The following MYH15 variants were observed in gnomAD, a reference collection of about 807,000 sequenced individuals.
The protein encoded by MYH15 is myosin-15.
In MYH15, 227 loss-of-function variants were observed where a neutral mutation model predicts 240.5. The observed-to-expected ratio is 0.94, with a 90% CI of 0.85 to 1.05. The LOEUF (loss-of-function observed/expected upper bound fraction) is 1.05, where lower values mean the gene tolerates loss of function less well. MYH15 is among the 50% of genes least tolerant of loss of function. The probability of loss-of-function intolerance (pLI) is 0.00; values close to 1 mark genes in which losing one functional copy is unlikely to be tolerated. For synonymous variants in MYH15, 785 were observed against 796.7 expected (o/e 0.99, Z 0.25); for missense variants, 2,217 against 2,247.5 (o/e 0.99, Z 0.27).
chr3:108,390,021 C>T (rs2082412416), intron 37 of MYH15, among the ~76,000 whole-genome samples: 1 of 152,152 alleles, frequency 6.6e-6, no homozygotes, highest in Non-Finnish European at 1.5e-5. Flanking sequence ...TGTGAGACTT[C>T]CTTGTGGATA....
intron 12 of MYH15, among the ~76,000 whole-genome samples, chr3:108,472,265 C>T (rs2083184281): frequency 6.6e-6 from 1 of 152,208 alleles, no homozygotes; most frequent in Admixed American, 6.5e-5. Flanking sequence ...TTCTGACATA[C>T]TCCAAGGAAG....
intron 1 of MYH15, among the ~76,000 whole-genome samples, chr3:108,525,265 A>C (rs971379932): frequency 1.3e-5 from 2 of 152,102 alleles, no homozygotes; most frequent in Admixed American, 1.3e-4. Flanking sequence ...TCTAAATAAA[A>C]CAGATAGATA....
At chr3:108,535,803 C>T in the MYH15 span, among the ~76,000 whole-genome samples, 1 of 152,018 alleles carries the variant, frequency 6.6e-6, no homozygotes, top group East Asian at 1.9e-4. Context: ...AGGCCACCCC[C>T]CAAAAGACAA....
intron 31 of MYH15, 35 bp from the exon 32 acceptor site, chr3:108,408,439 A>C: frequency 6.3e-7 from 1 of 1,585,980 alleles, no homozygotes; most frequent in Non-Finnish European, 8.5e-7. Context: ...AAGTTAGTGA[A>C]TGGGCTCAGT....
chr3:108,536,240 A>T, the MYH15 span, among the ~76,000 whole-genome samples: 2,004 of 152,298 alleles, frequency 0.013, 44 homozygotes, highest in African/African-American at 0.046. Context: ...ACTCCATCCT[A>T]GGTGACAGAG....
In MYH15 at chr3:108,441,663, A is replaced by G. The variant is rs965185526; in HGVS notation, c.2656-403T>C. Among the ~76,000 whole-genome samples the G allele has an allele frequency of 3.9e-5, 6 of 152,228 alleles. 1 individual carries two copies. The highest frequency in any genetic ancestry group is 3.3e-4 in the Admixed American group (5 of 15,284). Reference sequence around the variant, plus strand: ...AGGAAATCATCTTTTAAGAAAGCAGAGTTCCCTCTGAATATTGCACTGTAA... The same window carrying G: ...AGGAAATCATCTTTTAAGAAAGCAGGGTTCCCTCTGAATATTGCACTGTAA... On this transcript the variant is annotated intron_variant, in intron 22 of 40. Coordinates refer to ENST00000693548, the MANE Select transcript of MYH15 (RefSeq NM_014981.3).
At chr3:108,522,159 A>C (rs1472370606) in intron 1 of MYH15, among the ~76,000 whole-genome samples, 8 of 152,052 alleles carry the variant, frequency 5.3e-5, no homozygotes, top group African/African-American at 1.9e-4. Flanking sequence ...GTGGGGAGCA[A>C]TAGGAGATGT....
At chr3:108,413,037 CCATGTGGT>C (rs1392460755) in intron 30 of MYH15, among the ~76,000 whole-genome samples, 3 of 152,160 alleles carry the variant, frequency 2.0e-5, no homozygotes, top group African/African-American at 7.2e-5. Context: ...TCCAACAAAC[CCATGTGGT>C]CATAAAGTAA....
At chr3:108,465,409 G>A (rs2083106355) in intron 14 of MYH15, among the ~76,000 whole-genome samples, 1 of 152,212 alleles carries the variant, frequency 6.6e-6, no homozygotes, top group South Asian at 2.1e-4. Flanking sequence ...ATGTCAAAGG[G>A]GTAAGGAGCA....
At chr3:108,529,419 A>C (rs1476916608), upstream of MYH15, 1 of 604,876 alleles carries the variant, frequency 1.7e-6, no homozygotes, top group Admixed American at 3.3e-5. Context: ...GAAACATACA[A>C]GATATATTTA....
At chr3:108,418,628 A>G (rs2082654589) in intron 28 of MYH15, among the ~76,000 whole-genome samples, 2 of 100,144 alleles carry the variant, frequency 2.0e-5, no homozygotes, top group South Asian at 8.6e-4. Context: ...GGATGAAAAC[A>G]TCTTGTGGCT....
At chr3:108,532,014 T>A (rs1210740935), upstream of MYH15, among the ~76,000 whole-genome samples, 1 of 152,040 alleles carries the variant, frequency 6.6e-6, no homozygotes, top group African/African-American at 2.4e-5. Flanking sequence ...GAATAAGTAA[T>A]TTTTAGGGAA....
the MYH15 span, chr3:108,550,547 GAC>G: frequency 1.3e-5 from 2 of 151,300 alleles, no homozygotes; most frequent in African/African-American, 4.8e-5. Context: ...TTAACACAAT[GAC>G]AGTTTTCTAA....
intron 35 of MYH15, among the ~76,000 whole-genome samples, chr3:108,396,349 G>C (rs1336421142): frequency 7.7e-6 from 1 of 129,652 alleles, no homozygotes; most frequent in African/African-American, 2.8e-5. Flanking sequence ...CAGGGTTGGG[G>C]GGAGACGGTT....
At chr3:108,490,323 C>T (rs1576265941) in intron 9 of MYH15, among the ~76,000 whole-genome samples, 2 of 152,338 alleles carry the variant, frequency 1.3e-5, no homozygotes, top group East Asian at 1.9e-4. Context: ...TTATACCATA[C>T]TTAGTCTAAG....
At chr3:108,502,986 A>G (rs2083449753) in intron 2 of MYH15, among the ~76,000 whole-genome samples, 1 of 152,070 alleles carries the variant, frequency 6.6e-6, no homozygotes, top group Non-Finnish European at 1.5e-5. Flanking sequence ...ACTTTCATCA[A>G]TAAGTAGTAC....
intron 32 of MYH15, 49 bp downstream of exon 32, chr3:108,408,231 C>A: frequency 1.3e-6 from 2 of 1,576,570 alleles, no homozygotes; most frequent in Non-Finnish European, 1.7e-6. Context: ...GAATGCAGAT[C>A]TTCTGCCTTG....
At chr3:108,539,511 AT>A in the MYH15 span, among the ~76,000 whole-genome samples, 1 of 152,202 alleles carries the variant, frequency 6.6e-6, no homozygotes, top group Non-Finnish European at 1.5e-5. Flanking sequence ...TGATAAAGTA[AT>A]AGATCTAATA....
intron 29 of MYH15, 124 bp downstream of exon 29, chr3:108,416,688 A>G (rs1380534387): frequency 4.9e-6 from 4 of 814,952 alleles, no homozygotes; most frequent in Non-Finnish European, 7.9e-6. Flanking sequence ...TTTTTCCCCC[A>G]TAACTTCTAG....
Sources: allele counts gnomAD v4.1 joint callset (sites outside exome capture counted in the v4.1 genomes callset), GRCh38; gene constraint gnomAD v4.1.1; transcripts MANE v1.5; gene names NCBI Gene and HGNC (gene_info 2026-07-23, HGNC 2026-07-21).